Variants in LMO7 observed in about 807,000 individuals in gnomAD.
LMO7 encodes LIM domain only protein 7.
In LMO7, 120 loss-of-function variants were observed where a neutral mutation model predicts 206.5. The ratio of observed to expected loss-of-function variants is 0.58; its 90% CI spans 0.50 to 0.68. The LOEUF (loss-of-function observed/expected upper bound fraction) is 0.68, where lower values mean the gene tolerates loss of function less well. LMO7 is among the 30% of genes least tolerant of loss of function. The pLI is 0.00. For synonymous variants in LMO7, 706 were observed against 681.5 expected, an observed-to-expected ratio of 1.04 and a Z score of -0.56; for missense variants, 1,959 against 1,957.9, an observed-to-expected ratio of 1.00 and a Z score of -0.01.
chr13:75,774,181 C>G (rs2050093494), intron 4 of LMO7, among the ~76,000 whole-genome samples: 1 of 152,072 alleles, frequency 6.6e-6, no homozygotes, highest in African/African-American at 2.4e-5. Context: ...TCACCATAAT[C>G]AAGCTATAGA....
At chr13:75,735,703 T>A (rs2138980427) in intron 3 of LMO7, among the ~76,000 whole-genome samples, 1 of 151,838 alleles carries the variant, frequency 6.6e-6, no homozygotes, top group Non-Finnish European at 1.5e-5. Flanking sequence ...CTTGATCTCC[T>A]GACCTTGGGA....
intron 4 of LMO7, among the ~76,000 whole-genome samples, chr13:75,776,512 A>G (rs2050524493): frequency 6.6e-6 from 1 of 152,110 alleles, no homozygotes; most frequent in Admixed American, 6.6e-5. Flanking sequence ...AATAGCTTTT[A>G]TGAATGACTT....
At chr13:75,793,053 G>T (rs2053523523) in intron 4 of LMO7, among the ~76,000 whole-genome samples, 2 of 152,124 alleles carry the variant, frequency 1.3e-5, no homozygotes, top group South Asian at 4.1e-4. Context: ...CTTCTGCCTT[G>T]AGTGTGCTTA....
rs2048165339 is a variant in LMO7, at chr13:75,761,100, A to T, written c.317+62A>T. 3.7e-6 allele frequency: 4 copies of T among 1,074,800 alleles called. No individual in the cohort carries two copies. The African/African-American group carries it at 6.4e-5, about 17-fold the overall frequency. 66.6% of individuals were successfully genotyped at this position (1,074,800 alleles called of 1,614,324 possible). A position where few individuals can be genotyped will look rare whatever the true frequency, so the allele number is the denominator to read the frequency against. On this transcript the variant is annotated intron_variant, in intron 4 of 30. Transcript: ENST00000377534. ...ATTTAAACTTAGGGCTTGTAGCTTA[A>T]GTGAAAAGAATTGCTGAGAGTTCAT... is the stretch of plus-strand genomic sequence containing the variant.
At chr13:75,803,762 T>C (rs2055076517) in intron 7 of LMO7, among the ~76,000 whole-genome samples, 1 of 152,190 alleles carries the variant, frequency 6.6e-6, no homozygotes, top group Non-Finnish European at 1.5e-5. Flanking sequence ...TCCAGCCTCA[T>C]ATCTAATGTG....
At chr13:75,824,235 G>A (rs1274491499) in intron 15 of LMO7, among the ~76,000 whole-genome samples, 1 of 152,164 alleles carries the variant, frequency 6.6e-6, no homozygotes, top group Non-Finnish European at 1.5e-5. Flanking sequence ...CAGATCTAGT[G>A]TATATTTGGG....
chr13:75,761,060 GATATAT>G, intron 4 of LMO7, 22 bp downstream of exon 4: 2 of 1,159,360 alleles, frequency 1.7e-6, no homozygotes, highest in South Asian at 1.5e-5. Context: ...CAGTTTGTTA[GATATAT>G]ATATATATAT....
chr13:75,639,554 G>A (rs963821482), intron 1 of LMO7, among the ~76,000 whole-genome samples: 1 of 140,356 alleles, frequency 7.1e-6, no homozygotes, highest in Non-Finnish European at 1.6e-5. Flanking sequence ...GCTACGCAGT[G>A]GCTGATGAAG....
chr13:75,748,794 T>C (rs1303177308), intron 3 of LMO7, among the ~76,000 whole-genome samples: 2 of 148,964 alleles, frequency 1.3e-5, no homozygotes, highest in Admixed American at 1.4e-4. Flanking sequence ...TAGACTGTCT[T>C]TTTTCTTTCT....
At chr13:75,642,442 CAAA>C (rs5804829) in intron 1 of LMO7, among the ~76,000 whole-genome samples, 916 of 72,370 alleles carry the variant, frequency 0.013, 13 homozygotes, top group African/African-American at 0.046. Flanking sequence ...CCATCTCTAC[CAAA>C]AAAAAAAAAA....
intron 18 of LMO7, 37 bp downstream of exon 18, chr13:75,835,376 G>C: frequency 3.0e-6 from 4 of 1,344,940 alleles, no homozygotes; most frequent in Non-Finnish European, 4.1e-6. Flanking sequence ...CTGGTGTGGA[G>C]TAAAGCAGCT....
chr13:75,831,070 T>G (rs1300074996), intron 15 of LMO7, among the ~76,000 whole-genome samples: 1 of 152,072 alleles, frequency 6.6e-6, no homozygotes, highest in Non-Finnish European at 1.5e-5. Context: ...TGTATGGTGG[T>G]TTTGGCTAAG....
Position 75,838,148 on chromosome 13 carries a change from T to C in LMO7, c.3403T>C (p.Ser1135Pro). ...SNAFESKASESISLKNLKRRS... is the reference protein window; with the variant it reads ...SNAFESKASEPISLKNLKRRS... The stretch of plus-strand genomic sequence containing the variant: ...ATTTTTTTTTCAACTAGCATCTGAA[T>C]CCATTTCTTTGAAAAACTTAAAAAG... The change falls in exon 20 of 31, where the codon TCC (serine) becomes CCC (proline). Residue 1135 changes from serine (S) to proline (P), a missense_variant. Ser to Pro is a moderately conservative substitution (Grantham distance 74). Coordinates refer to ENST00000377534, the MANE Select transcript of LMO7 (RefSeq NM_001306080.2). 1 of 1,584,218 alleles carries C rather than the reference T, an allele frequency of 6.3e-7. No individual in the cohort carries two copies.
intron 4 of LMO7, among the ~76,000 whole-genome samples, chr13:75,777,799 C>G (rs34929735): frequency 7.9e-5 from 12 of 151,862 alleles, no homozygotes; most frequent in Non-Finnish European, 1.5e-4. Context: ...GCGCCTGCCA[C>G]GACGCCCGCC....
intron 4 of LMO7, among the ~76,000 whole-genome samples, 171 bp from the exon 5 acceptor site, chr13:75,795,230 T>C (rs2053826032): frequency 6.6e-6 from 1 of 152,182 alleles, no homozygotes; most frequent in Non-Finnish European, 1.5e-5. Context: ...GTCAAATCAA[T>C]GAATATGGAA....
At chr13:75,855,425 G>T in intron 29 of LMO7, 57 bp downstream of exon 29, 1 of 1,068,158 alleles carries the variant, frequency 9.4e-7, no homozygotes. Flanking sequence ...AGAGCGCATG[G>T]CTGCTTTGAG....
In LMO7 at chr13:75,808,057, A is replaced by G. The variant is rs767878869; in HGVS notation, c.1774A>G (p.Lys592Glu). 17 of 1,613,874 alleles carry G rather than the reference A, an allele frequency of 1.1e-5. No individual in the cohort carries two copies. Among genetic ancestry groups the G allele is most frequent in the Admixed American group, 1.7e-5 (1 of 60,002 alleles). The stretch of plus-strand genomic sequence containing the variant: ...GAAGAAAGATGACATGCTGACACGT[A>G]AGATTCAGTCCTGGAAACTGGGAAC... ...RQKKDDMLTR[K>E]IQSWKLGTTV... is the part of the protein sequence containing the mutation. Residue 592 changes from lysine to glutamate, a missense_variant, in exon 10 of 31, where the codon AAG (lysine) becomes GAG (glutamate). Lys to Glu is a moderately conservative substitution (Grantham distance 56). Coordinates refer to ENST00000377534, the MANE Select transcript of LMO7 (RefSeq NM_001306080.2).
chr13:75,635,617 G>A (rs942424181), upstream of LMO7, among the ~76,000 whole-genome samples: 3 of 152,188 alleles, frequency 2.0e-5, no homozygotes, highest in Non-Finnish European at 2.9e-5. Context: ...GGAATGCAAG[G>A]AACCCTCCAG....
At chr13:75,630,498 C>T (rs776686684) in intron 2 of LMO7, among the ~76,000 whole-genome samples, 2 of 152,076 alleles carry the variant, frequency 1.3e-5, no homozygotes, top group Non-Finnish European at 2.9e-5. Context: ...CATGATGAAA[C>T]ACCGTCTCTA....
Sources: allele counts gnomAD v4.1 joint callset (sites outside exome capture counted in the v4.1 genomes callset), GRCh38; gene constraint gnomAD v4.1.1; transcripts MANE v1.5; gene names NCBI Gene and HGNC (gene_info 2026-07-23, HGNC 2026-07-21).